Variants in SLC16A14 observed in about 807,000 individuals in gnomAD.
The protein encoded by SLC16A14 is solute carrier family 16 member 14.
A neutral mutation model predicts 35.8 loss-of-function variants in SLC16A14; 14 were observed. The observed-to-expected ratio is 0.39, with a 90% CI of 0.26 to 0.61. SLC16A14 has a LOEUF of 0.61. Ranked by LOEUF, SLC16A14 falls within the 20% of genes least tolerant of loss-of-function variation. SLC16A14 has a pLI of 0.51. For missense variants in SLC16A14, 533 were observed against 655.0 expected (o/e 0.81, Z 2.03); for synonymous variants, 248 against 258.9 (o/e 0.96, Z 0.40).
In SLC16A14 at chr2:230,060,097, G is replaced by A. The variant is rs73109617; in HGVS notation, c.-14-731C>T. Among the ~76,000 whole-genome samples the A allele has an allele frequency of 6.4e-3, 973 of 152,172 alleles. 10 individuals carry two copies. Among genetic ancestry groups the A allele is most frequent in the African/African-American group, 0.022 (908 of 41,510 alleles). ...TACTAGAAAATTACTTCAAAAATAG[G>A]GTATCAGACTAAGGAGTTTGAATAG... On this transcript the variant is annotated intron_variant, in intron 1 of 4. Transcript: ENST00000295190.
intron 4 of SLC16A14, among the ~76,000 whole-genome samples, chr2:230,040,365 G>A (rs927861188): frequency 3.3e-5 from 5 of 152,004 alleles, no homozygotes; most frequent in East Asian, 3.9e-4. Flanking sequence ...GATTACAGGC[G>A]GCATGCGCCA....
At chr2:230,040,699 G>C (rs1219685887) in intron 4 of SLC16A14, among the ~76,000 whole-genome samples, 5 of 152,108 alleles carry the variant, frequency 3.3e-5, no homozygotes, top group Admixed American at 3.3e-4. Context: ...TGTAGGAGTA[G>C]TCCTAAATTT....
intron 3 of SLC16A14, among the ~76,000 whole-genome samples, chr2:230,048,681 T>C (rs759017170): frequency 1.4e-4 from 21 of 152,158 alleles, no homozygotes; most frequent in Non-Finnish European, 2.6e-4. Context: ...CCCAGCACTT[T>C]GGGAGGCTAA....
At chr2:230,039,482 C>T (rs576769350) in intron 4 of SLC16A14, among the ~76,000 whole-genome samples, 1 of 152,260 alleles carries the variant, frequency 6.6e-6, no homozygotes, top group Admixed American at 6.5e-5. Context: ...TTGACACTGA[C>T]CTATGAACAA....
chr2:230,043,783 C>G (rs1275426651), intron 4 of SLC16A14, among the ~76,000 whole-genome samples: 2 of 152,254 alleles, frequency 1.3e-5, no homozygotes, highest in Non-Finnish European at 2.9e-5. Context: ...ACCTCGTTAT[C>G]TTCACACAGT....
At chr2:230,048,242 A>G (rs1318630724) in intron 3 of SLC16A14, among the ~76,000 whole-genome samples, 1 of 152,252 alleles carries the variant, frequency 6.6e-6, no homozygotes, top group Admixed American at 6.5e-5. Flanking sequence ...AAACTGAGGT[A>G]TAAGTAGGTT....
intron 4 of SLC16A14, among the ~76,000 whole-genome samples, chr2:230,040,784 AT>A (rs2077555081): frequency 6.6e-6 from 1 of 152,136 alleles, no homozygotes; most frequent in African/African-American, 2.4e-5. Context: ...GGATCCTGCC[AT>A]CTCCCTTTGG....
Position 230,046,713 on chromosome 2 carries a change from C to T in SLC16A14, c.413G>A (p.Ser138Asn), listed in dbSNP as rs1363677179. The change falls in exon 4 of 5, where the codon AGC becomes AAC. Residue 138 changes from serine to asparagine, a missense_variant. Transcript: ENST00000295190. The surrounding 1 kb of genome is among the most constrained non-coding windows in gnomAD (Gnocchi z 5.0). The part of the protein sequence containing the change: ...ITFGVAAGLG[S>N]GMAYLPAVVM... ...CACCGCTGGCAGGTAGGCCATCCCG[C>T]TGCCCAGGCCTGTACAGGCCGACGG... 4.4e-6 allele frequency: 7 copies of T among 1,598,884 alleles called. No individual in the cohort carries two copies. The highest frequency in any genetic ancestry group is 1.3e-5 in the African/African-American group (1 of 74,948).
chr2:230,040,540 A>T (rs149340613), intron 4 of SLC16A14, among the ~76,000 whole-genome samples: 1,768 of 152,102 alleles, frequency 0.012, 14 homozygotes, highest in African/African-American at 0.016. Flanking sequence ...TATTATTATT[A>T]TTTTTTTTTA....
chr2:230,061,393 CAT>C (rs1452556901), intron 1 of SLC16A14, among the ~76,000 whole-genome samples: 1 of 152,204 alleles, frequency 6.6e-6, no homozygotes, highest in Non-Finnish European at 1.5e-5. Flanking sequence ...GACCCTGGCA[CAT>C]GTGTAGTCCC....
chr2:230,053,265 T>C (rs746403566), intron 2 of SLC16A14, among the ~76,000 whole-genome samples: 15 of 152,192 alleles, frequency 9.9e-5, no homozygotes, highest in Non-Finnish European at 1.9e-4. Flanking sequence ...CACTGTTTAC[T>C]GATGGTCCAC....
intron 3 of SLC16A14, among the ~76,000 whole-genome samples, chr2:230,047,540 C>G (rs1218754848): frequency 6.6e-6 from 1 of 152,054 alleles, no homozygotes; most frequent in Non-Finnish European, 1.5e-5. Flanking sequence ...CCTGGGCTCA[C>G]GCAATTCACC....
rs1334356034 is a variant in SLC16A14, at chr2:230,045,998, C to T, written c.1128G>A (p.Leu376=). The T allele has an allele frequency of 6.2e-7, 1 of 1,613,908 alleles. No individual in the cohort carries two copies. The highest frequency in any genetic ancestry group is 2.2e-5 in the East Asian group (1 of 44,870). ...AGACATTCCAAACACTAATGCAAGG[C>T]AAGTCGGCTATGACGCCCAGGATCA... ...GKVILGVIAD[L]PCISVWNVFL... The change falls in exon 4 of 5, where the codon TTG becomes TTA. Residue 376 remains leucine, a synonymous_variant. Coordinates refer to ENST00000295190, the MANE Select transcript of SLC16A14 (RefSeq NM_152527.5).
At chr2:230,056,632 C>T (rs1186262907) in intron 2 of SLC16A14, among the ~76,000 whole-genome samples, 1 of 151,958 alleles carries the variant, frequency 6.6e-6, no homozygotes, top group Non-Finnish European at 1.5e-5. Context: ...CTTTGAGAGG[C>T]TGAGGCAGGA....
chr2:230,049,658 G>C (rs914835579), intron 3 of SLC16A14, 103 bp downstream of exon 3: 34 of 1,272,848 alleles, frequency 2.7e-5, no homozygotes, highest in Admixed American at 1.5e-4. Flanking sequence ...GGAGGAAACA[G>C]AACAGAATGT....
At chr2:230,060,746 G>A (rs1283291328) in intron 1 of SLC16A14, among the ~76,000 whole-genome samples, 1 of 151,788 alleles carries the variant, frequency 6.6e-6, no homozygotes, top group African/African-American at 2.4e-5. Context: ...AGCAGGAGTC[G>A]GGGGTGGAGA....
Position 230,068,418 on chromosome 2 carries a change from C to T in SLC16A14, c.-15+137G>A, listed in dbSNP as rs920085593. The stretch of plus-strand genomic sequence containing the variant: ...CCCTCCACCGCCCGGGCAGCCTTTC[C>T]CGAGCCTGCCTTGGGCTGGGGCTGC... On this transcript the variant is annotated intron_variant, in intron 1 of 4. Transcript: ENST00000295190. The surrounding 1 kb of genome is among the most constrained non-coding windows in gnomAD (Gnocchi z 5.1). 51 of 152,634 alleles carry T rather than the reference C, an allele frequency of 3.3e-4. 1 individual carries two copies. The highest frequency in any genetic ancestry group is 1.2e-3 in the African/African-American group (51 of 41,588). 9.5% of individuals were successfully genotyped at this position (152,634 alleles called of 1,614,324 possible). A position where few individuals can be genotyped will look rare whatever the true frequency, so the allele number is the denominator to read the frequency against.
intron 4 of SLC16A14, among the ~76,000 whole-genome samples, chr2:230,043,171 C>T (rs2077574083): frequency 2.0e-5 from 3 of 152,226 alleles, no homozygotes; most frequent in Admixed American, 2.0e-4. Flanking sequence ...AAAAATGCTG[C>T]ATCTGCATTT....
At chr2:230,040,710 C>T (rs771882021) in intron 4 of SLC16A14, among the ~76,000 whole-genome samples, 58 of 152,240 alleles carry the variant, frequency 3.8e-4, no homozygotes, top group Middle Eastern at 3.4e-3. Context: ...TCCTAAATTT[C>T]ATGTCAAGTT....
Sources: allele counts gnomAD v4.1 joint callset (sites outside exome capture counted in the v4.1 genomes callset), GRCh38; gene constraint gnomAD v4.1.1; non-coding constraint Gnocchi (gnomAD v3.1); transcripts MANE v1.5; gene names NCBI Gene and HGNC (gene_info 2026-07-23, HGNC 2026-07-21).